TAFA5: variants seen among roughly 807,000 people sequenced by gnomAD.
The protein encoded by TAFA5 is TAFA chemokine like family member 5.
TAFA5 carries 6 observed loss-of-function variants against 15.3 expected under a neutral mutation model. That is an observed-to-expected ratio of 0.39 (90% CI 0.21 to 0.77). TAFA5 has a LOEUF of 0.77. Among genes scored for constraint, TAFA5 ranks in the 30% least tolerant of loss-of-function variants. The pLI, the probability that TAFA5 is intolerant of heterozygous loss-of-function variation, is 0.41. For synonymous variants in TAFA5, 103 were observed against 80.7 expected, an observed-to-expected ratio of 1.28 and a Z score of -1.48; for missense variants, 161 against 193.1, an observed-to-expected ratio of 0.83 and a Z score of 0.98.
chr22:48,658,108 G>A (rs755693217), intron 2 of TAFA5, among the ~76,000 whole-genome samples: 24 of 152,160 alleles, frequency 1.6e-4, no homozygotes, highest in Non-Finnish European at 2.6e-4. Context: ...CCCTGATTGC[G>A]GCCATTAGCA....
intron 3 of TAFA5, among the ~76,000 whole-genome samples, chr22:48,735,515 G>C (rs1002498980): frequency 6.6e-6 from 1 of 152,210 alleles, no homozygotes; most frequent in Non-Finnish European, 1.5e-5. Flanking sequence ...AGGCCACTCA[G>C]GTTCATTTGT....
chr22:48,501,410 C>G (rs1920950965), intron 1 of TAFA5, among the ~76,000 whole-genome samples: 1 of 152,200 alleles, frequency 6.6e-6, no homozygotes, highest in African/African-American at 2.4e-5. Flanking sequence ...GAGACAGGCT[C>G]CAGCACCCGG....
intron 1 of TAFA5, among the ~76,000 whole-genome samples, chr22:48,507,651 T>C (rs555751615): frequency 6.6e-6 from 1 of 152,242 alleles, no homozygotes; most frequent in East Asian, 1.9e-4. Flanking sequence ...AGAGCCAGGA[T>C]GTGCGCTTGG....
chr22:48,657,414 A>G (rs9617482), intron 2 of TAFA5, among the ~76,000 whole-genome samples: 25,733 of 152,214 alleles, frequency 0.17, 2,722 homozygotes, highest in Non-Finnish European at 0.23. Context: ...AAAGCCCAGG[A>G]CCAGATGGCT....
chr22:48,642,839 CGTGT>C (rs1372606249), intron 1 of TAFA5, among the ~76,000 whole-genome samples: 3 of 152,040 alleles, frequency 2.0e-5, no homozygotes, highest in Admixed American at 6.6e-5. Context: ...TGCATGCACA[CGTGT>C]GTGTGAGTCC....
chr22:48,740,265 C>T (rs541625842), intron 3 of TAFA5, among the ~76,000 whole-genome samples: 11 of 152,114 alleles, frequency 7.2e-5, no homozygotes, highest in South Asian at 2.1e-4. Context: ...GCTGGGAGGA[C>T]GGCAGGGCAG....
chr22:48,682,165 T>C (rs1928211657), intron 2 of TAFA5, among the ~76,000 whole-genome samples: 1 of 152,200 alleles, frequency 6.6e-6, no homozygotes, highest in South Asian at 2.1e-4. Flanking sequence ...CTCCAGGTTG[T>C]GGCCAGCAGT....
intron 1 of TAFA5, among the ~76,000 whole-genome samples, chr22:48,542,562 GT>G (rs1922473308): frequency 2.3e-5 from 1 of 44,260 alleles, no homozygotes; most frequent in African/African-American, 1.2e-4. Context: ...GTATGTGTGT[GT>G]GGTGTGTGTG....
chr22:48,590,389 CT>C (rs1924522031), intron 1 of TAFA5, among the ~76,000 whole-genome samples: 1 of 152,206 alleles, frequency 6.6e-6, no homozygotes. Context: ...TGTGTATCAG[CT>C]TTTATGGCTA....
intron 1 of TAFA5, among the ~76,000 whole-genome samples, chr22:48,513,656 G>A (rs5767180): frequency 0.018 from 2,757 of 152,338 alleles, 117 homozygotes; most frequent in East Asian, 0.18. Flanking sequence ...CAGAGCCCGC[G>A]TCTGCCCTGT....
chr22:48,719,747 A>C (rs1313662137), intron 3 of TAFA5, among the ~76,000 whole-genome samples: 1 of 152,220 alleles, frequency 6.6e-6, no homozygotes, highest in Non-Finnish European at 1.5e-5. Flanking sequence ...CCCTGTCTGC[A>C]ATCCATTTTG....
At chr22:48,570,402 C>T (rs917827689) in intron 1 of TAFA5, among the ~76,000 whole-genome samples, 2 of 152,188 alleles carry the variant, frequency 1.3e-5, no homozygotes, top group Non-Finnish European at 2.9e-5. Context: ...AAACAAATTA[C>T]AATGACAAAG....
At chr22:48,614,230 G>T (rs1925517568) in intron 1 of TAFA5, among the ~76,000 whole-genome samples, 1 of 152,164 alleles carries the variant, frequency 6.6e-6, no homozygotes, top group Non-Finnish European at 1.5e-5. Flanking sequence ...ACTCTTCATT[G>T]TGAAAATTGT....
intron 1 of TAFA5, chr22:48,576,669 C>G: frequency 6.6e-6 from 8 of 1,215,668 alleles, no homozygotes; most frequent in South Asian, 3.6e-5. Flanking sequence ...CCGCTGCCGC[C>G]GCGCTCGGCT....
intron 1 of TAFA5, among the ~76,000 whole-genome samples, chr22:48,541,782 T>G (rs1349347826): frequency 6.6e-6 from 1 of 152,204 alleles, no homozygotes; most frequent in African/African-American, 2.4e-5. Flanking sequence ...TGGCAAGGTC[T>G]GCAGCCCTGC....
chr22:48,504,540 G>C (rs575179066), intron 1 of TAFA5, among the ~76,000 whole-genome samples: 1 of 152,146 alleles, frequency 6.6e-6, no homozygotes, highest in East Asian at 1.9e-4. Flanking sequence ...GCTGGGGGAC[G>C]TTTCCCACAT....
At chr22:48,571,359 C>T (rs377300751) in intron 1 of TAFA5, among the ~76,000 whole-genome samples, 1 of 144,268 alleles carries the variant, frequency 6.9e-6, no homozygotes, top group African/African-American at 2.5e-5. Context: ...ACTGCAACCT[C>T]TGCCTCCTGG....
intron 1 of TAFA5, among the ~76,000 whole-genome samples, chr22:48,575,897 C>T (rs1228771973): frequency 1.4e-5 from 2 of 143,598 alleles, no homozygotes; most frequent in African/African-American, 5.0e-5. Context: ...GGCGGCGCGG[C>T]GGCCCCCTGA....
chr22:48,729,320 T>TTTTATATTTATTTATAAATATATAATAA (rs1569096850), intron 3 of TAFA5, among the ~76,000 whole-genome samples: 18 of 83,904 alleles, frequency 2.1e-4, no homozygotes, highest in African/African-American at 6.4e-4. Flanking sequence ...ATATATAATA[T>TTTTATATTTATTTATAAATATATAATAA]TTTTATATTT....
Sources: gnomAD v4.1 joint callset for allele counts (sites outside exome capture counted in the v4.1 genomes callset) on GRCh38, gnomAD v4.1.1 for gene constraint, MANE v1.5 for transcripts, NCBI Gene and HGNC (gene_info 2026-07-23, HGNC 2026-07-21) for gene names.